Variants in ITPK1 observed in about 807,000 individuals in gnomAD.
The protein encoded by ITPK1 is inositol-tetrakisphosphate 1-kinase.
In ITPK1, 21 loss-of-function variants were observed where a neutral mutation model predicts 45.3. The ratio of observed to expected loss-of-function variants is 0.46; its 90% CI spans 0.33 to 0.67. ITPK1 has a LOEUF of 0.67. ITPK1 is among the 30% of genes least tolerant of loss of function. ITPK1 has a pLI of 0.02. For missense variants in ITPK1, 474 were observed against 573.5 expected (o/e 0.83, Z 1.77); for synonymous variants, 258 against 253.6 (o/e 1.02, Z -0.16).
At chr14:92,951,897 C>T in intron 9 of ITPK1, 49 bp downstream of exon 9, 1 of 1,457,524 alleles carries the variant, frequency 6.9e-7, no homozygotes. Flanking sequence ...CACACCTAGG[C>T]CCACGGGAGG....
chr14:92,983,091 G>A (rs948137899), intron 5 of ITPK1, among the ~76,000 whole-genome samples: 2 of 152,230 alleles, frequency 1.3e-5, no homozygotes, highest in Non-Finnish European at 2.9e-5. Flanking sequence ...TGTGACCAGA[G>A]AGCTGTTTGC....
chr14:92,971,801 A>T (rs572575149), intron 5 of ITPK1, among the ~76,000 whole-genome samples: 7 of 152,186 alleles, frequency 4.6e-5, no homozygotes, highest in Non-Finnish European at 1.0e-4. Context: ...GGTTGCAGGG[A>T]CGCGGTGAGG....
chr14:92,946,965 CT>C (rs1303888703), intron 9 of ITPK1, among the ~76,000 whole-genome samples: 1 of 152,208 alleles, frequency 6.6e-6, no homozygotes, highest in Non-Finnish European at 1.5e-5. Context: ...ATGTGGGCCC[CT>C]GGGAGGGGTG....
intron 3 of ITPK1, among the ~76,000 whole-genome samples, chr14:93,047,949 T>G (rs1195907478): frequency 6.6e-6 from 1 of 152,264 alleles, no homozygotes; most frequent in Non-Finnish European, 1.5e-5. Context: ...ATATTTCTGA[T>G]GACAATACAT....
rs549932726 is a variant in ITPK1, at chr14:92,949,085, TTTTC to T, written c.739-2596_739-2593del. On this transcript the variant is annotated intron_variant, in intron 9 of 10. Transcript: ENST00000267615. ...GTAAGAGACACTCATCCCTTAGCAC[TTTTC>T]TTTCTTTTTTTTTTTTTCTTTTGAG... Among the ~76,000 whole-genome samples, 1,027 of 151,384 alleles carry T rather than the reference TTTTC, an allele frequency of 6.8e-3. 9 individuals carry two copies. The highest frequency in any genetic ancestry group is 0.011 in the Non-Finnish European group (766 of 67,828).
At chr14:93,089,347 C>T (rs527573050) in intron 2 of ITPK1, among the ~76,000 whole-genome samples, 2 of 152,336 alleles carry the variant, frequency 1.3e-5, no homozygotes, top group South Asian at 4.1e-4. Flanking sequence ...CCCCTCTCCA[C>T]ACGGTTGACA....
chr14:92,961,884 C>T (rs1338428353), intron 7 of ITPK1, among the ~76,000 whole-genome samples: 2 of 152,220 alleles, frequency 1.3e-5, no homozygotes, highest in Admixed American at 1.3e-4. Flanking sequence ...TTCTGCCCCT[C>T]CCCATTCACA....
At chr14:93,088,311 G>A (rs569178455) in intron 2 of ITPK1, among the ~76,000 whole-genome samples, 1 of 150,830 alleles carries the variant, frequency 6.6e-6, no homozygotes, top group East Asian at 1.9e-4. Flanking sequence ...GGGTACAATG[G>A]TTGCATCTTT....
chr14:93,104,398 G>C (rs1404437998), intron 2 of ITPK1, among the ~76,000 whole-genome samples: 1 of 151,556 alleles, frequency 6.6e-6, no homozygotes, highest in East Asian at 1.9e-4. Flanking sequence ...CTGAGGTGGA[G>C]GTTGCAGTGA....
chr14:92,963,468 C>T (rs1359149711), intron 5 of ITPK1, among the ~76,000 whole-genome samples: 1 of 152,232 alleles, frequency 6.6e-6, no homozygotes, highest in African/African-American at 2.4e-5. Context: ...CCTGACCCCT[C>T]ACCTGCAGAC....
intron 8 of ITPK1, among the ~76,000 whole-genome samples, chr14:92,955,803 T>C (rs1308357706): frequency 6.6e-6 from 1 of 152,056 alleles, no homozygotes; most frequent in Non-Finnish European, 1.5e-5. Context: ...CCACGGGAAG[T>C]TGGGGGACAT....
chr14:93,075,132 G>C (rs1891165146), intron 3 of ITPK1, among the ~76,000 whole-genome samples: 1 of 152,034 alleles, frequency 6.6e-6, no homozygotes, highest in Non-Finnish European at 1.5e-5. Flanking sequence ...TTCAAGATCA[G>C]CCTGAGGAAC....
intron 3 of ITPK1, among the ~76,000 whole-genome samples, chr14:93,020,332 G>T (rs1888406333): frequency 6.6e-6 from 1 of 152,214 alleles, no homozygotes; most frequent in Admixed American, 6.5e-5. Context: ...TGGAACTGGG[G>T]AGGGGTGGGC....
intron 9 of ITPK1, among the ~76,000 whole-genome samples, chr14:92,950,128 T>C (rs912880573): frequency 2.6e-5 from 4 of 152,190 alleles, no homozygotes; most frequent in African/African-American, 9.7e-5. Context: ...TCTTAACTAA[T>C]ACCCTAGACT....
intron 4 of ITPK1, among the ~76,000 whole-genome samples, chr14:93,005,425 C>A (rs1887562793): frequency 6.6e-6 from 1 of 152,102 alleles, no homozygotes; most frequent in African/African-American, 2.4e-5. Flanking sequence ...CAGACAGGGG[C>A]AAGATGGCCC....
At chr14:93,082,482 T>C (rs1393636179) in intron 2 of ITPK1, among the ~76,000 whole-genome samples, 1 of 152,156 alleles carries the variant, frequency 6.6e-6, no homozygotes, top group Non-Finnish European at 1.5e-5. Context: ...ATCTGTAAAA[T>C]GGGAGAATCC....
Position 92,940,133 on chromosome 14 carries a change from AG to A in ITPK1, c.*1427del. 1.0e-6 allele frequency: 1 copy of A among 985,800 alleles called. No homozygotes were observed. The highest frequency in any genetic ancestry group is 1.2e-6 in the Non-Finnish European group (1 of 830,062). The allele number at this position is 985,800 out of a possible 1,614,324, so 61.1% of individuals were successfully genotyped here. ...CTGCAGCCCAGCTGAGCCAGGCCGA[AG>A]GACCTCCATGCACTGGCTCGGGGGC... On this transcript the variant is annotated 3_prime_UTR_variant, in exon 11 of 11. Transcript: ENST00000267615.
chr14:92,980,444 C>T (rs995550403), intron 5 of ITPK1, among the ~76,000 whole-genome samples: 5 of 152,118 alleles, frequency 3.3e-5, no homozygotes, highest in Non-Finnish European at 2.9e-5. Context: ...CACCCCATGC[C>T]CCAAAACAAG....
Position 92,940,844 on chromosome 14 carries a change from C to G in ITPK1, c.*717G>C. On this transcript the variant is annotated 3_prime_UTR_variant, in exon 11 of 11. Transcript: ENST00000267615. ...TCCCGGGCTCCAGGGAGCAGCAGTGCTGGCTTAGGGGAAGGAGACCGCTGT... is the reference window on the plus strand; with the variant it reads ...TCCCGGGCTCCAGGGAGCAGCAGTGGTGGCTTAGGGGAAGGAGACCGCTGT... 3 of 1,287,102 alleles carry G rather than the reference C, an allele frequency of 2.3e-6. No homozygotes were observed. The highest frequency in any genetic ancestry group is 3.0e-6 in the Non-Finnish European group (3 of 987,972). The allele number at this position is 1,287,102 out of a possible 1,614,324, so 79.7% of individuals were successfully genotyped here. A position where few individuals can be genotyped will look rare whatever the true frequency, so the allele number is the denominator to read the frequency against.
Sources: gnomAD v4.1 joint callset for allele counts (sites outside exome capture counted in the v4.1 genomes callset) on GRCh38, gnomAD v4.1.1 for gene constraint, MANE v1.5 for transcripts, NCBI Gene and HGNC (gene_info 2026-07-23, HGNC 2026-07-21) for gene names.